RERE: variants seen among roughly 807,000 people sequenced by gnomAD.
The protein encoded by RERE is arginine-glutamic acid dipeptide repeats.
A neutral mutation model predicts 146.1 loss-of-function variants in RERE; 40 were observed. The observed-to-expected ratio is 0.27, with a 90% CI of 0.21 to 0.36. RERE has a LOEUF of 0.36. Among genes scored for constraint, RERE ranks in the 10% least tolerant of loss-of-function variants. RERE has a pLI of 1.00. For synonymous variants in RERE, 1,003 were observed against 866.0 expected, an observed-to-expected ratio of 1.16 and a Z score of -2.78; for missense variants, 1,933 against 2,138.7, an observed-to-expected ratio of 0.90 and a Z score of 1.90.
At chr1:8,716,885 T>G (rs1488410084) in intron 1 of RERE, among the ~76,000 whole-genome samples, 1 of 152,196 alleles carries the variant, frequency 6.6e-6, no homozygotes, top group East Asian at 1.9e-4. Context: ...GACTGAAATT[T>G]ATTTTTCTTC....
At chr1:8,431,552 T>C (rs1644096082) in intron 11 of RERE, among the ~76,000 whole-genome samples, 1 of 152,146 alleles carries the variant, frequency 6.6e-6, no homozygotes, top group Non-Finnish European at 1.5e-5. Context: ...GCTTGAATCA[T>C]CCTGAAACCA....
intron 10 of RERE, among the ~76,000 whole-genome samples, chr1:8,490,940 G>A (rs1644972207): frequency 6.7e-6 from 1 of 150,370 alleles, no homozygotes; most frequent in Non-Finnish European, 1.5e-5. Flanking sequence ...TTTTTACTTT[G>A]AAACAGAGCA....
intron 1 of RERE, among the ~76,000 whole-genome samples, chr1:8,728,893 G>A (rs141596821): frequency 4.1e-4 from 63 of 152,254 alleles, no homozygotes; most frequent in African/African-American, 1.2e-3. Flanking sequence ...ATAGCCAGGC[G>A]CAGTGGCTCA....
intron 1 of RERE, among the ~76,000 whole-genome samples, chr1:8,675,776 T>TACATACAC (rs1638827762): frequency 6.6e-6 from 1 of 151,514 alleles, no homozygotes; most frequent in South Asian, 2.1e-4. Context: ...CATACATACA[T>TACATACAC]ACATACATAC....
chr1:8,703,422 G>A (rs1639499659), intron 1 of RERE, among the ~76,000 whole-genome samples: 1 of 151,854 alleles, frequency 6.6e-6, no homozygotes, highest in South Asian at 2.1e-4. Context: ...CGCCGGGAGA[G>A]AAAGAGCAGA....
intron 4 of RERE, among the ~76,000 whole-genome samples, chr1:8,578,810 G>C (rs1051451260): frequency 2.6e-5 from 4 of 152,188 alleles, no homozygotes; most frequent in Admixed American, 1.3e-4. Flanking sequence ...GCACAGCTCA[G>C]AGCTAGAGAC....
intron 4 of RERE, among the ~76,000 whole-genome samples, chr1:8,558,189 G>A (rs1283455001): frequency 6.6e-6 from 1 of 152,186 alleles, no homozygotes; most frequent in Non-Finnish European, 1.5e-5. Context: ...GAATAATGAA[G>A]AATTTTATGA....
At chr1:8,493,638 CG>C (rs1645006725) in intron 10 of RERE, among the ~76,000 whole-genome samples, 1 of 152,022 alleles carries the variant, frequency 6.6e-6, no homozygotes, top group Non-Finnish European at 1.5e-5. Flanking sequence ...CTAGCCGCCT[CG>C]GATTCTCCTA....
intron 4 of RERE, among the ~76,000 whole-genome samples, chr1:8,601,626 C>CCACACACACA (rs3082094): frequency 0.06 from 5,675 of 94,880 alleles, 621 homozygotes; most frequent in Non-Finnish European, 0.066. Flanking sequence ...TCCAAGGTCA[C>CCACACACACA]CACACACACA....
intron 4 of RERE, among the ~76,000 whole-genome samples, chr1:8,595,554 T>C (rs1052354493): frequency 2.0e-4 from 30 of 151,846 alleles, no homozygotes; most frequent in African/African-American, 7.2e-4. Context: ...TTTAATTGTA[T>C]TTTATTATGT....
At chr1:8,651,402 T>C (rs1298176379) in intron 2 of RERE, among the ~76,000 whole-genome samples, 2 of 152,108 alleles carry the variant, frequency 1.3e-5, no homozygotes, top group African/African-American at 4.8e-5. Context: ...AGAGTGAGAC[T>C]CTCTGTTTTT....
At chr1:8,359,080 G>C (rs1250003961) in intron 19 of RERE, among the ~76,000 whole-genome samples, 164 bp from the exon 20 acceptor site, 1 of 152,226 alleles carries the variant, frequency 6.6e-6, no homozygotes, top group Non-Finnish European at 1.5e-5. Context: ...CCAGGATGCA[G>C]TCCAGGCCCC....
intron 8 of RERE, among the ~76,000 whole-genome samples, chr1:8,497,824 TAAAC>T (rs1285641250): frequency 1.3e-5 from 2 of 151,872 alleles, no homozygotes; most frequent in Non-Finnish European, 2.9e-5. Flanking sequence ...ATGCATAAAA[TAAAC>T]AAAAAAACAA....
At chr1:8,701,243 G>A (rs7551149) in intron 1 of RERE, among the ~76,000 whole-genome samples, 130,150 of 151,186 alleles carry the variant, frequency 0.86, 56,310 homozygotes, top group East Asian at 0.95. Context: ...TGTAAAAAAT[G>A]AATTGCCATA....
intron 1 of RERE, among the ~76,000 whole-genome samples, chr1:8,722,816 GTTAT>G (rs1299894785): frequency 1.3e-5 from 2 of 152,164 alleles, no homozygotes; most frequent in Non-Finnish European, 2.9e-5. Flanking sequence ...ACGACACCAT[GTTAT>G]TTAAAGAACT....
At chr1:8,742,488 T>A (rs1161497867) in intron 1 of RERE, among the ~76,000 whole-genome samples, 1 of 152,106 alleles carries the variant, frequency 6.6e-6, no homozygotes, top group Admixed American at 6.6e-5. Flanking sequence ...GGAAATATAT[T>A]CAGGACTAGA....
chr1:8,692,644 C>T (rs537010022), intron 1 of RERE, among the ~76,000 whole-genome samples: 18 of 152,164 alleles, frequency 1.2e-4, no homozygotes, highest in African/African-American at 3.6e-4. Flanking sequence ...CCACCGTATT[C>T]GGCCCGGTAT....
intron 10 of RERE, among the ~76,000 whole-genome samples, chr1:8,476,761 A>G (rs1173337255): frequency 6.6e-6 from 1 of 152,356 alleles, no homozygotes; most frequent in Middle Eastern, 3.4e-3. Context: ...AACAGGCTAC[A>G]CGAGGCAGGG....
intron 7 of RERE, among the ~76,000 whole-genome samples, chr1:8,529,391 G>A (rs886928750): frequency 4.1e-5 from 6 of 146,514 alleles, no homozygotes; most frequent in Non-Finnish European, 7.4e-5. Flanking sequence ...CTAGGTTCAC[G>A]CCATTCTCCT....
Sources: allele counts gnomAD v4.1 joint callset (sites outside exome capture counted in the v4.1 genomes callset), GRCh38; gene constraint gnomAD v4.1.1; transcripts MANE v1.5; gene names NCBI Gene and HGNC (gene_info 2026-07-23, HGNC 2026-07-21).